The following TRAM2 variants were observed in gnomAD, a reference collection of about 807,000 sequenced individuals.
TRAM2 encodes the protein translocating chain-associated membrane protein 2.
A neutral mutation model predicts 51.0 loss-of-function variants in TRAM2; 12 were observed. The observed-to-expected ratio is 0.24, with a 90% CI of 0.15 to 0.38. The LOEUF (loss-of-function observed/expected upper bound fraction) is 0.38. Among genes scored for constraint, TRAM2 ranks in the 10% least tolerant of loss-of-function variants. The probability of loss-of-function intolerance (pLI) is 1.00; values close to 1 mark genes in which losing one functional copy is unlikely to be tolerated. For synonymous variants in TRAM2, 175 were observed against 179.4 expected (o/e 0.98, Z 0.20); for missense variants, 361 against 462.0 (o/e 0.78, Z 2.00).
Position 52,499,334 on chromosome 6 carries a change from C to T in TRAM2, c.*3863G>A, listed in dbSNP as rs773351383. The T allele has an allele frequency of 6.6e-6, 1 of 152,158 alleles. No individual in the cohort carries two copies. Among genetic ancestry groups the T allele is most frequent in the African/African-American group, 2.4e-5 (1 of 41,422 alleles). 9.4% of individuals were successfully genotyped at this position (152,158 alleles called of 1,614,324 possible). A position where few individuals can be genotyped will look rare whatever the true frequency, so the allele number is the denominator to read the frequency against. On this transcript the variant is annotated 3_prime_UTR_variant, in exon 11 of 11. Coordinates refer to ENST00000182527, the MANE Select transcript of TRAM2 (RefSeq NM_012288.4). ...CTCTGTTAGAGGAGAGAGCTTAGAACATCAAGAATTGAAGTTTGTGCACTT... is the reference window on the plus strand; with the variant it reads ...CTCTGTTAGAGGAGAGAGCTTAGAATATCAAGAATTGAAGTTTGTGCACTT...
chr6:52,544,961 A>G (rs1208629923), intron 1 of TRAM2, among the ~76,000 whole-genome samples: 3 of 152,226 alleles, frequency 2.0e-5, no homozygotes, highest in African/African-American at 7.2e-5. Flanking sequence ...GCAAATGTCA[A>G]TATTTAAATA....
At chr6:52,551,831 T>C (rs1384534827) in intron 1 of TRAM2, among the ~76,000 whole-genome samples, 1 of 152,216 alleles carries the variant, frequency 6.6e-6, no homozygotes, top group African/African-American at 2.4e-5. Flanking sequence ...AGGAAGGGGT[T>C]TCAATGTGCC....
rs999300109 is a variant in TRAM2, at chr6:52,502,318, C to A, written c.*879G>T. ...TTGTGAATGGCTGAAAAAGCAATGG[C>A]GACTGGGACTGCTGGAGAAAGGCCT... On this transcript the variant is annotated 3_prime_UTR_variant, in exon 11 of 11. Transcript: ENST00000182527. 1 of 152,340 alleles carries A rather than the reference C, an allele frequency of 6.6e-6. No individual in the cohort carries two copies. The highest frequency in any genetic ancestry group is 1.5e-5 in the Non-Finnish European group (1 of 68,134). 9.4% of individuals were successfully genotyped at this position (152,340 alleles called of 1,614,324 possible).
chr6:52,566,670 G>A (rs2114108000), intron 1 of TRAM2, among the ~76,000 whole-genome samples: 1 of 152,292 alleles, frequency 6.6e-6, no homozygotes, highest in South Asian at 2.1e-4. Context: ...CACCTCCAGA[G>A]CATCCTATGA....
At chr6:52,567,568 A>G (rs1767608964) in intron 1 of TRAM2, among the ~76,000 whole-genome samples, 1 of 152,278 alleles carries the variant, frequency 6.6e-6, no homozygotes, top group Non-Finnish European at 1.5e-5. Context: ...TGTACTATGC[A>G]GCAGACCAAC....
chr6:52,507,052 A>T (rs1766362810), intron 7 of TRAM2, among the ~76,000 whole-genome samples: 1 of 152,228 alleles, frequency 6.6e-6, no homozygotes, highest in African/African-American at 2.4e-5. Flanking sequence ...GCTCTTCGAG[A>T]ACTAATATTA....
intron 1 of TRAM2, among the ~76,000 whole-genome samples, chr6:52,571,012 G>T (rs773109694): frequency 5.3e-5 from 8 of 152,010 alleles, no homozygotes; most frequent in Non-Finnish European, 1.2e-4. Flanking sequence ...AAAAGATAAA[G>T]GTCTGTTTGT....
At position 52,503,289 on chromosome 6, in the gene TRAM2, C is replaced by CA; in HGVS notation, c.1040-20dup. On this transcript the variant is annotated intron_variant, in intron 10 of 10. Transcript: ENST00000182527. ...TGGTAACCTGGGAAGTGGAGAGAGA[C>CA]AAGCATACATGGTGTTTCTGCTGGA... The CA allele has an allele frequency of 1.2e-6, 2 of 1,609,812 alleles. No individual in the cohort carries two copies. Among genetic ancestry groups the CA allele is most frequent in the African/African-American group, 2.7e-5 (2 of 74,938 alleles).
At chr6:52,513,364 T>C (rs564397517) in intron 4 of TRAM2, among the ~76,000 whole-genome samples, 3 of 152,218 alleles carry the variant, frequency 2.0e-5, no homozygotes, top group Non-Finnish European at 2.9e-5. Context: ...CTCATTCTCA[T>C]AGCCAACATT....
chr6:52,546,828 G>T (rs1767210251), intron 1 of TRAM2, among the ~76,000 whole-genome samples: 1 of 152,158 alleles, frequency 6.6e-6, no homozygotes, highest in South Asian at 2.1e-4. Flanking sequence ...GATGCCCCAG[G>T]GAGGACCAGT....
At chr6:52,569,226 C>A (rs1335666694) in intron 1 of TRAM2, among the ~76,000 whole-genome samples, 2 of 152,046 alleles carry the variant, frequency 1.3e-5, no homozygotes. Context: ...GAAACCCCAT[C>A]TCCACAAAAA....
intron 1 of TRAM2, among the ~76,000 whole-genome samples, chr6:52,573,553 G>T (rs1295521365): frequency 3.9e-5 from 6 of 152,160 alleles, no homozygotes; most frequent in South Asian, 4.1e-4. Flanking sequence ...TGGGTTCAGG[G>T]GGGAAAAGCT....
chr6:52,576,005 A>G (rs1244750350), intron 1 of TRAM2, among the ~76,000 whole-genome samples: 1 of 152,100 alleles, frequency 6.6e-6, no homozygotes, highest in Non-Finnish European at 1.5e-5. Context: ...ACACCAGGAC[A>G]TTGCTGTTGG....
intron 2 of TRAM2, among the ~76,000 whole-genome samples, chr6:52,532,832 T>C (rs9349630): frequency 0.073 from 11,054 of 152,260 alleles, 928 homozygotes; most frequent in Admixed American, 0.25. Flanking sequence ...TATAAATCAA[T>C]ATTCCAAAAC....
intron 1 of TRAM2, among the ~76,000 whole-genome samples, chr6:52,576,531 C>T (rs1032884308): frequency 6.6e-6 from 1 of 152,220 alleles, no homozygotes; most frequent in Non-Finnish European, 1.5e-5. Context: ...GGTTTCAGGG[C>T]TGCAGACAGA....
rs147552648 is a variant in TRAM2, at chr6:52,537,711, G to A, written c.121-1865C>T. On this transcript the variant is annotated intron_variant, in intron 1 of 10. Coordinates refer to ENST00000182527, the MANE Select transcript of TRAM2 (RefSeq NM_012288.4). ...CATCAGACTCCTCACAGTCCCACAGGCAGGGACTGTGCCGTCCCGTTCCCA... is the reference window on the plus strand; with the variant it reads ...CATCAGACTCCTCACAGTCCCACAGACAGGGACTGTGCCGTCCCGTTCCCA... Among the ~76,000 whole-genome samples the A allele has an allele frequency of 7.0e-3, 697 of 98,988 alleles. 4 individuals carry two copies. The highest frequency in any genetic ancestry group is 0.026 in the South Asian group (61 of 2,304). 64.9% of individuals were successfully genotyped at this position (98,988 alleles called of 152,430 possible).
intron 4 of TRAM2, 112 bp from the exon 5 acceptor site, chr6:52,509,698 G>C: frequency 1.2e-6 from 1 of 865,176 alleles, no homozygotes; most frequent in Non-Finnish European, 1.8e-6. Flanking sequence ...GACAGAAAGA[G>C]GAAGGAACAG....
At chr6:52,539,175 A>G (rs1407318586) in intron 1 of TRAM2, among the ~76,000 whole-genome samples, 2 of 152,222 alleles carry the variant, frequency 1.3e-5, no homozygotes, top group Admixed American at 1.3e-4. Context: ...CCATTTTTAA[A>G]TAGTGAAATC....
rs1181376556 is a variant in TRAM2, at chr6:52,502,448, CA to C, written c.*748del. Reference sequence around the variant, plus strand: ...AGCAGTGGGAAGACGTGTCCCCCCCCACAGAGCGACAGCAGGCTGGCTTCCA... The same window carrying C: ...AGCAGTGGGAAGACGTGTCCCCCCCCCAGAGCGACAGCAGGCTGGCTTCCA... On this transcript the variant is annotated 3_prime_UTR_variant, in exon 11 of 11. Transcript: ENST00000182527. 6.7e-6 allele frequency: 1 copy of C among 148,776 alleles called. No individual in the cohort carries two copies. The highest frequency in any genetic ancestry group is 1.5e-5 in the Non-Finnish European group (1 of 67,058). 9.2% of individuals were successfully genotyped at this position (148,776 alleles called of 1,614,324 possible).
Sources: allele counts gnomAD v4.1 joint callset (sites outside exome capture counted in the v4.1 genomes callset), GRCh38; gene constraint gnomAD v4.1.1; transcripts MANE v1.5; gene names NCBI Gene and HGNC (gene_info 2026-07-23, HGNC 2026-07-21).